ESCO1: variants seen among roughly 807,000 people sequenced by gnomAD.
ESCO1 encodes establishment of sister chromatid cohesion N-acetyltransferase 1, also known as N-acetyltransferase ESCO1.
ESCO1 carries 33 observed loss-of-function variants against 83.5 expected under a neutral mutation model. That is an observed-to-expected ratio of 0.40 (90% CI 0.30 to 0.53). The LOEUF (loss-of-function observed/expected upper bound fraction) is 0.53. Among genes scored for constraint, ESCO1 ranks in the 20% least tolerant of loss-of-function variants. The pLI is 0.63. For missense variants in ESCO1, 855 were observed against 968.0 expected (o/e 0.88, Z 1.55); for synonymous variants, 332 against 324.3 (o/e 1.02, Z -0.25).
At chr18:21,548,977 C>T (rs1028790221) in intron 8 of ESCO1, among the ~76,000 whole-genome samples, 1 of 151,850 alleles carries the variant, frequency 6.6e-6, no homozygotes, top group African/African-American at 2.4e-5. Flanking sequence ...TAAATCTATT[C>T]CCTCCTTATT....
intron 8 of ESCO1, among the ~76,000 whole-genome samples, chr18:21,556,633 TTTCATGTAGCCTAGTGGCTAC>T (rs2038115571): frequency 6.6e-6 from 1 of 152,134 alleles, no homozygotes; most frequent in Admixed American, 6.6e-5. Context: ...GTATTTTTAA[TTTCATGTAGCCTAGTGGCTAC>T]TTCACAGGAC....
intron 2 of ESCO1, among the ~76,000 whole-genome samples, chr18:21,579,050 T>C (rs779420997): frequency 6.6e-6 from 1 of 152,030 alleles, no homozygotes; most frequent in Non-Finnish European, 1.5e-5. Flanking sequence ...TTAGTAGAGA[T>C]CAGGTTTCAC....
intron 1 of ESCO1, among the ~76,000 whole-genome samples, chr18:21,590,150 T>C (rs1417533094): frequency 6.7e-6 from 1 of 150,346 alleles, no homozygotes; most frequent in Non-Finnish European, 1.5e-5. Context: ...GTCAGTTATT[T>C]TCCCTTACTA....
At chr18:21,592,241 G>C (rs532810384) in intron 1 of ESCO1, among the ~76,000 whole-genome samples, 2 of 150,994 alleles carry the variant, frequency 1.3e-5, no homozygotes, top group East Asian at 2.0e-4. Flanking sequence ...TTCCCAGTAG[G>C]GGCGGCCGGG....
At chr18:21,579,763 G>A (rs1191805467) in intron 2 of ESCO1, among the ~76,000 whole-genome samples, 2 of 147,612 alleles carry the variant, frequency 1.4e-5, no homozygotes, top group Non-Finnish European at 3.0e-5. Flanking sequence ...GCAACAGAGC[G>A]AGATTCTGAC....
chr18:21,565,884 T>C (rs753020605), intron 6 of ESCO1, among the ~76,000 whole-genome samples: 2 of 152,076 alleles, frequency 1.3e-5, no homozygotes, highest in Non-Finnish European at 2.9e-5. Flanking sequence ...GCTGCAGTGA[T>C]TGTGCCACTG....
At position 21,565,604 on chromosome 18, in the gene ESCO1, G is replaced by A. The variant is rs535885890; in HGVS notation, c.1706+542C>T. Among the ~76,000 whole-genome samples, 62 of 152,234 alleles carry A rather than the reference G, an allele frequency of 4.1e-4. 1 individual carries two copies. The South Asian group carries it at 7.9e-3, about 19-fold the overall frequency. On this transcript the variant is annotated intron_variant, in intron 6 of 11. Transcript: ENST00000269214. ...ATAAAGCATAGAACTGTTAAACCAC[G>A]GTAAAGTCACACAATGAAATTTAAT...
chr18:21,580,971 CA>C (rs2038494450), intron 2 of ESCO1, among the ~76,000 whole-genome samples: 3 of 151,850 alleles, frequency 2.0e-5, no homozygotes, highest in East Asian at 3.9e-4. Context: ...GCCTGGGCAA[CA>C]AGAGCAAAAC....
At chr18:21,567,626 C>A (rs570478364) in intron 5 of ESCO1, among the ~76,000 whole-genome samples, 1 of 152,174 alleles carries the variant, frequency 6.6e-6, no homozygotes, top group South Asian at 2.1e-4. Context: ...AAGATAAGAA[C>A]CTGAAATGGT....
At chr18:21,551,242 G>A (rs902659651) in intron 8 of ESCO1, among the ~76,000 whole-genome samples, 2 of 151,990 alleles carry the variant, frequency 1.3e-5, no homozygotes, top group Non-Finnish European at 1.5e-5. Context: ...AGGCCGAGGC[G>A]GACAGATCAC....
At chr18:21,578,429 T>C (rs890882832) in intron 2 of ESCO1, among the ~76,000 whole-genome samples, 4 of 151,528 alleles carry the variant, frequency 2.6e-5, no homozygotes, top group East Asian at 1.9e-4. Flanking sequence ...GTAAGAAAAT[T>C]AGAGGACGAG....
Position 21,530,442 on chromosome 18 carries a change from G to A in ESCO1, c.2424C>T (p.Phe808=). ...GCTTTCCATCAGGAGTGGGATCTGA[G>A]AAAGCAATTTCTTCTTTGCTCAAAT... The part of the protein sequence containing the change: ...GSYLSKEEIA[F]SDPTPDGKLF... The change falls in exon 12 of 12, where the codon TTC becomes TTT. Residue 808 remains phenylalanine, a synonymous_variant. Coordinates refer to ENST00000269214, the MANE Select transcript of ESCO1 (RefSeq NM_052911.3). 2 of 1,456,312 alleles carry A rather than the reference G, an allele frequency of 1.4e-6. No homozygotes were observed. Among genetic ancestry groups the A allele is most frequent in the Non-Finnish European group, 1.8e-6 (2 of 1,085,542 alleles). 90.2% of individuals were successfully genotyped at this position (1,456,312 alleles called of 1,614,324 possible). A position where few individuals can be genotyped will look rare whatever the true frequency, so the allele number is the denominator to read the frequency against.
intron 6 of ESCO1, among the ~76,000 whole-genome samples, chr18:21,564,771 G>A (rs1480031860): frequency 2.0e-5 from 3 of 151,912 alleles, no homozygotes; most frequent in Non-Finnish European, 2.9e-5. Context: ...AAAAATCAAG[G>A]AGCAGGCCTG....
rs528496405 is a variant in ESCO1 at position 21,588,773 on chromosome 18, G to A, written c.-824-4333C>T. Reference sequence around the variant, plus strand: ...CTCTACAAAAAATACAAAAATAGCCGGGCATGGTGGCGTTCACCTATAGTC... The same window carrying A: ...CTCTACAAAAAATACAAAAATAGCCAGGCATGGTGGCGTTCACCTATAGTC... On this transcript the variant is annotated intron_variant, in intron 1 of 11. Transcript: ENST00000269214. Among the ~76,000 whole-genome samples, 6 of 151,464 alleles carry A rather than the reference G, an allele frequency of 4.0e-5. No homozygotes were observed. The South Asian group carries it at 8.4e-4, about 21-fold the overall frequency.
chr18:21,554,204 G>C (rs1309548878), intron 8 of ESCO1, among the ~76,000 whole-genome samples: 1 of 152,166 alleles, frequency 6.6e-6, no homozygotes, highest in Non-Finnish European at 1.5e-5. Flanking sequence ...AAATGCAAAA[G>C]AATACAGCAA....
intron 4 of ESCO1, among the ~76,000 whole-genome samples, chr18:21,570,420 G>A (rs531757144): frequency 6.6e-6 from 1 of 152,108 alleles, no homozygotes; most frequent in Non-Finnish European, 1.5e-5. Flanking sequence ...TCTTTTCATA[G>A]AAGAAAAGAT....
chr18:21,568,608 A>C (rs2038295484), intron 4 of ESCO1, among the ~76,000 whole-genome samples: 1 of 152,194 alleles, frequency 6.6e-6, no homozygotes, highest in African/African-American at 2.4e-5. Flanking sequence ...CCAGATTTTG[A>C]ACTTAAGCAC....
At chr18:21,534,492 T>C (rs973418449) in intron 10 of ESCO1, among the ~76,000 whole-genome samples, 3 of 152,226 alleles carry the variant, frequency 2.0e-5, no homozygotes, top group Non-Finnish European at 4.4e-5. Context: ...TAGAATGGTC[T>C]CGGCAGTTTC....
rs2037749247 is a variant in ESCO1, at chr18:21,530,234, C to G, written c.*109G>C. The G allele has an allele frequency of 1.1e-6, 1 of 886,344 alleles. No homozygotes were observed. The highest frequency in any genetic ancestry group is 1.7e-5 in the African/African-American group (1 of 57,670). 54.9% of individuals were successfully genotyped at this position (886,344 alleles called of 1,614,324 possible). On this transcript the variant is annotated 3_prime_UTR_variant, in exon 12 of 12. Transcript: ENST00000269214. ...AAATGGAACAACCATATGGTTGTTG[C>G]CAGTCCTGAGTTCATTGTAATAAAA...
Sources: gnomAD v4.1 joint callset for allele counts (sites outside exome capture counted in the v4.1 genomes callset) on GRCh38, gnomAD v4.1.1 for gene constraint, MANE v1.5 for transcripts, NCBI Gene and HGNC (gene_info 2026-07-23, HGNC 2026-07-21) for gene names.